The following IQSEC1 variants were observed in gnomAD, a reference collection of about 807,000 sequenced individuals.
The protein encoded by IQSEC1 is IQ motif and Sec7 domain ArfGEF 1, also known as IQ motif and SEC7 domain-containing protein 1.
IQSEC1 carries 31 observed loss-of-function variants against 91.0 expected under a neutral mutation model. The observed-to-expected ratio is 0.34, with a 90% CI of 0.26 to 0.46. The LOEUF is 0.46. Ranked by LOEUF, IQSEC1 falls within the 20% of genes least tolerant of loss-of-function variation. The pLI, the probability that IQSEC1 is intolerant of heterozygous loss-of-function variation, is 1.00. For synonymous variants in IQSEC1, 699 were observed against 662.6 expected, an observed-to-expected ratio of 1.05 and a Z score of -0.84; for missense variants, 1,388 against 1,575.6, an observed-to-expected ratio of 0.88 and a Z score of 2.02.
At chr3:13,175,372 A>G (rs889322438) in intron 1 of IQSEC1, among the ~76,000 whole-genome samples, 1 of 152,178 alleles carries the variant, frequency 6.6e-6, no homozygotes, top group Non-Finnish European at 1.5e-5. Context: ...ATTCCCTGCT[A>G]TGGGCCCAAG....
chr3:13,054,910 G>T, intron 1 of IQSEC1, among the ~76,000 whole-genome samples: 1 of 152,218 alleles, frequency 6.6e-6, no homozygotes, highest in Admixed American at 6.5e-5. Flanking sequence ...CTGATCAGAG[G>T]TTACAGCGAG....
At chr3:13,242,395 A>G (rs1252303158) in intron 1 of IQSEC1, among the ~76,000 whole-genome samples, 2 of 152,106 alleles carry the variant, frequency 1.3e-5, no homozygotes, top group Admixed American at 1.3e-4. Context: ...ACTTGACCTC[A>G]CAGTACCCCC....
At chr3:13,078,041 G>A (rs58149691), upstream of IQSEC1, among the ~76,000 whole-genome samples, 269 of 152,316 alleles carry the variant, frequency 1.8e-3, no homozygotes, top group African/African-American at 5.8e-3. Context: ...CTGGGGCCGC[G>A]GATGAGTGAG....
rs11925499 is a variant in IQSEC1, at chr3:12,924,946, C to A, written c.1569-204G>T. Among the ~76,000 whole-genome samples the A allele has an allele frequency of 6.6e-6, 1 of 152,138 alleles. No individual in the cohort carries two copies. The highest frequency in any genetic ancestry group is 6.5e-5 in the Admixed American group (1 of 15,292). On this transcript the variant is annotated intron_variant, in intron 3 of 13. Transcript: ENST00000613206. This position sits in a 1 kb window ranked among gnomAD's most constrained non-coding sequence, Gnocchi z 6.3. ...AGAACCCAGGCTGGCACTGGAAGACCCTGGGCTCCAGGCATCCTGCCCTGT... is the reference window on the plus strand; with the variant it reads ...AGAACCCAGGCTGGCACTGGAAGACACTGGGCTCCAGGCATCCTGCCCTGT...
intron 1 of IQSEC1, among the ~76,000 whole-genome samples, chr3:13,235,467 G>A (rs1179289213): frequency 6.6e-6 from 1 of 152,292 alleles, no homozygotes; most frequent in Non-Finnish European, 1.5e-5. Flanking sequence ...AGTTGGGGCT[G>A]TGCACCCCAA....
At chr3:13,222,319 C>G (rs1385374702) in intron 1 of IQSEC1, among the ~76,000 whole-genome samples, 1 of 152,186 alleles carries the variant, frequency 6.6e-6, no homozygotes, top group African/African-American at 2.4e-5. Flanking sequence ...AACGCCCTTC[C>G]TTTTTAGGGT....
chr3:13,223,892 G>A (rs539546281), intron 1 of IQSEC1, among the ~76,000 whole-genome samples: 38 of 152,322 alleles, frequency 2.5e-4, no homozygotes, highest in Non-Finnish European at 4.3e-4. Context: ...CTAAGGCGCT[G>A]TTGGTTTGGA....
At position 13,193,130 on chromosome 3, in the gene IQSEC1, C is replaced by G. The variant is rs917802599; in HGVS notation, c.273-28997G>C. 7.2e-5 allele frequency among the ~76,000 whole-genome samples: 11 copies of G among 152,208 alleles called. No homozygotes were observed. The highest frequency in any genetic ancestry group is 1.5e-5 in the Non-Finnish European group (1 of 68,040). On this transcript the variant is annotated intron_variant, in intron 1 of 15. Transcript: ENST00000648114. The surrounding 1 kb of genome is among the most constrained non-coding windows in gnomAD (Gnocchi z 4.2). ...GGCAGTGTCTTTTCTCAGCCTTGTC[C>G]TACGAGCACAGGATGCCCACCTGCC...
At chr3:13,124,951 T>G (rs115910352) in intron 2 of IQSEC1, among the ~76,000 whole-genome samples, 1 of 152,164 alleles carries the variant, frequency 6.6e-6, no homozygotes. Context: ...GCCACCGTCA[T>G]GTTTGGCCAG....
chr3:13,105,855 A>G (rs1027478205), intron 2 of IQSEC1, among the ~76,000 whole-genome samples: 2 of 152,222 alleles, frequency 1.3e-5, no homozygotes, highest in African/African-American at 2.4e-5. Context: ...CCCCTAAGGG[A>G]TGGCTGGCCT....
chr3:13,190,844 A>G (rs1694010775), intron 1 of IQSEC1, among the ~76,000 whole-genome samples: 1 of 152,226 alleles, frequency 6.6e-6, no homozygotes, highest in Non-Finnish European at 1.5e-5. Flanking sequence ...GTCCCAGAGC[A>G]GTCCCCAAAT....
intron 1 of IQSEC1, among the ~76,000 whole-genome samples, chr3:13,052,380 G>A (rs1400893004): frequency 2.0e-5 from 3 of 152,204 alleles, no homozygotes; most frequent in East Asian, 1.9e-4. Flanking sequence ...TGGAGGGTCC[G>A]CTCTGCCTCT....
intron 1 of IQSEC1, among the ~76,000 whole-genome samples, chr3:13,064,013 A>C (rs886277699): frequency 1.3e-5 from 2 of 151,600 alleles, no homozygotes; most frequent in African/African-American, 2.4e-5. Flanking sequence ...AAAAAAAAAA[A>C]AACAAAAAAC....
intron 1 of IQSEC1, among the ~76,000 whole-genome samples, chr3:12,973,501 G>A (rs1356507767): frequency 6.6e-6 from 1 of 152,138 alleles, no homozygotes; most frequent in Admixed American, 6.5e-5. Flanking sequence ...TCCTGGTGGT[G>A]GGGCCCAGAC....
intron 1 of IQSEC1, among the ~76,000 whole-genome samples, chr3:13,181,605 C>T (rs1693845799): frequency 6.6e-6 from 1 of 152,218 alleles, no homozygotes; most frequent in Admixed American, 6.5e-5. Flanking sequence ...AGTTTACAGT[C>T]TAGCCAGGTA....
At chr3:13,190,822 G>T (rs957894893) in intron 1 of IQSEC1, among the ~76,000 whole-genome samples, 2 of 152,216 alleles carry the variant, frequency 1.3e-5, no homozygotes, top group Admixed American at 6.5e-5. Flanking sequence ...TAAATACACT[G>T]AAAGGAGAAA....
At chr3:12,947,480 G>A (rs1576011172) in intron 1 of IQSEC1, among the ~76,000 whole-genome samples, 2 of 151,996 alleles carry the variant, frequency 1.3e-5, no homozygotes, top group African/African-American at 4.8e-5. Flanking sequence ...CCACCCCGGG[G>A]ATCACCTGAT....
intron 1 of IQSEC1, among the ~76,000 whole-genome samples, chr3:13,062,729 G>A (rs896454904): frequency 6.6e-6 from 1 of 152,134 alleles, no homozygotes; most frequent in Non-Finnish European, 1.5e-5. Context: ...GGAGGAAAAC[G>A]CTCGGTGTTA....
intron 1 of IQSEC1, among the ~76,000 whole-genome samples, chr3:13,203,676 G>C (rs1694287884): frequency 1.3e-5 from 2 of 152,198 alleles, no homozygotes; most frequent in South Asian, 4.1e-4. Flanking sequence ...AGAGGACGTG[G>C]TGGGTCTCAA....
Sources: allele counts gnomAD v4.1 joint callset (sites outside exome capture counted in the v4.1 genomes callset), GRCh38; gene constraint gnomAD v4.1.1; non-coding constraint Gnocchi (gnomAD v3.1); transcripts MANE v1.5; gene names NCBI Gene and HGNC (gene_info 2026-07-23, HGNC 2026-07-21).